Variants in SNX13 observed in about 807,000 individuals in gnomAD.
SNX13 encodes the protein sorting nexin-13.
In SNX13, 45 loss-of-function variants were observed where a neutral mutation model predicts 133.6. The observed-to-expected ratio is 0.34, with a 90% CI of 0.27 to 0.43. SNX13 has a LOEUF of 0.43. Ranked by LOEUF, SNX13 falls within the 20% of genes least tolerant of loss-of-function variation. The probability of loss-of-function intolerance (pLI) is 1.00; values close to 1 mark genes in which losing one functional copy is unlikely to be tolerated. For missense variants in SNX13, 1,032 were observed against 1,145.1 expected, an observed-to-expected ratio of 0.90 and a Z score of 1.43; for synonymous variants, 414 against 373.9, an observed-to-expected ratio of 1.11 and a Z score of -1.24.
At chr7:17,920,155 T>C (rs560897516) in intron 1 of SNX13, among the ~76,000 whole-genome samples, 6 of 152,296 alleles carry the variant, frequency 3.9e-5, no homozygotes, top group Non-Finnish European at 5.9e-5. Flanking sequence ...ATACGCAAAA[T>C]AGACTAATGT....
At chr7:17,894,145 A>C (rs1275569902) in intron 2 of SNX13, among the ~76,000 whole-genome samples, 1 of 151,774 alleles carries the variant, frequency 6.6e-6, no homozygotes, top group Non-Finnish European at 1.5e-5. Flanking sequence ...TCTACTAAAA[A>C]CACAAAAATT....
chr7:17,805,263 GCGC>G (rs1490232166), intron 20 of SNX13, among the ~76,000 whole-genome samples: 2 of 148,158 alleles, frequency 1.3e-5, no homozygotes, highest in African/African-American at 5.0e-5. Context: ...GTGCGCGCGC[GCGC>G]ATGCATGCAC....
chr7:17,812,658 G>A (rs563563679), intron 20 of SNX13, among the ~76,000 whole-genome samples: 2 of 152,186 alleles, frequency 1.3e-5, no homozygotes, highest in Middle Eastern at 3.4e-3. Context: ...TATACCCAAA[G>A]GATGATAAAT....
intron 1 of SNX13, among the ~76,000 whole-genome samples, chr7:17,906,294 C>A (rs922821670): frequency 6.6e-6 from 1 of 152,084 alleles, no homozygotes; most frequent in African/African-American, 2.4e-5. Flanking sequence ...ATAGACAAAA[C>A]TATTTCCACA....
intron 1 of SNX13, among the ~76,000 whole-genome samples, chr7:17,912,506 G>T (rs771036259): frequency 6.6e-6 from 1 of 152,040 alleles, no homozygotes; most frequent in African/African-American, 2.4e-5. Flanking sequence ...TGCCTCCCGG[G>T]TTCAAGTGAT....
chr7:17,819,984 T>C (rs1388541099), intron 18 of SNX13, among the ~76,000 whole-genome samples: 4 of 152,028 alleles, frequency 2.6e-5, no homozygotes, highest in Non-Finnish European at 5.9e-5. Context: ...GAAAAAGAAA[T>C]TGTGCTGTAT....
chr7:17,854,013 T>C (rs2128329651), intron 9 of SNX13, among the ~76,000 whole-genome samples: 1 of 150,932 alleles, frequency 6.6e-6, no homozygotes, highest in African/African-American at 2.4e-5. Flanking sequence ...CTAAAGAAAG[T>C]TCTTCAAAAT....
intron 9 of SNX13, among the ~76,000 whole-genome samples, chr7:17,855,430 GAC>G (rs1791766643): frequency 6.6e-6 from 1 of 152,150 alleles, no homozygotes; most frequent in African/African-American, 2.4e-5. Flanking sequence ...TTCACAATTA[GAC>G]AGTAAAAGCC....
At chr7:17,932,554 G>A (rs1162795323) in intron 1 of SNX13, among the ~76,000 whole-genome samples, 1 of 152,126 alleles carries the variant, frequency 6.6e-6, no homozygotes, top group African/African-American at 2.4e-5. Flanking sequence ...ATTTAGTGAG[G>A]CCTACTAAGT....
chr7:17,929,125 A>T (rs1024690285), intron 1 of SNX13, among the ~76,000 whole-genome samples: 5 of 152,146 alleles, frequency 3.3e-5, no homozygotes, highest in African/African-American at 1.2e-4. Context: ...CTGTAGACAC[A>T]GAGAAGAATA....
chr7:17,848,688 G>C (rs565445136), intron 11 of SNX13, among the ~76,000 whole-genome samples: 2 of 152,174 alleles, frequency 1.3e-5, no homozygotes, highest in Non-Finnish European at 2.9e-5. Flanking sequence ...CAGTGGGTCC[G>C]AGTGAGTGGA....
chr7:17,831,125 G>A, intron 15 of SNX13: 3 of 984,320 alleles, frequency 3.0e-6, no homozygotes, highest in Non-Finnish European at 3.6e-6. Flanking sequence ...GACAAGTCAA[G>A]TTAAAGGAGA....
At chr7:17,867,893 A>C (rs1358356786) in intron 9 of SNX13, among the ~76,000 whole-genome samples, 1 of 152,098 alleles carries the variant, frequency 6.6e-6, no homozygotes, top group East Asian at 1.9e-4. Flanking sequence ...GGGCTTGTGG[A>C]CTTAGTAATA....
intron 5 of SNX13, chr7:17,882,886 G>T: frequency 7.9e-7 from 1 of 1,271,170 alleles, no homozygotes. Flanking sequence ...AGGAAGCGGA[G>T]GTTGCAGTGA....
chr7:17,867,427 C>A (rs1793525835), intron 9 of SNX13, among the ~76,000 whole-genome samples: 1 of 151,882 alleles, frequency 6.6e-6, no homozygotes, highest in Non-Finnish European at 1.5e-5. Context: ...GGCTACATAG[C>A]AAAACCATGT....
Position 17,874,883 on chromosome 7 carries a change from T to C in SNX13, c.664+597A>G, listed in dbSNP as rs566332112. ...ACTGTATCATTCCCTTAGGAAATAT[T>C]TTATGGTAACAGGTATACTTCTGAA... is the stretch of plus-strand genomic sequence containing the variant. On this transcript the variant is annotated intron_variant, in intron 7 of 25. Transcript: ENST00000428135. Among the ~76,000 whole-genome samples the C allele has an allele frequency of 3.9e-5, 6 of 152,348 alleles. 1 individual carries two copies. The South Asian group carries it at 1.2e-3, about 32-fold the overall frequency.
At chr7:17,801,966 A>G (rs1371036914) in intron 21 of SNX13, among the ~76,000 whole-genome samples, 2 of 152,112 alleles carry the variant, frequency 1.3e-5, no homozygotes, top group Non-Finnish European at 2.9e-5. Flanking sequence ...CCAAAAAGTC[A>G]TGCATCGCAT....
At chr7:17,847,135 GTAGT>G (rs1432732782) in intron 11 of SNX13, among the ~76,000 whole-genome samples, 1 of 152,096 alleles carries the variant, frequency 6.6e-6, no homozygotes, top group South Asian at 2.1e-4. Context: ...AGATAAGGAA[GTAGT>G]TAAAGAAAAG....
At chr7:17,864,798 G>A (rs574067490) in intron 9 of SNX13, among the ~76,000 whole-genome samples, 7 of 148,296 alleles carry the variant, frequency 4.7e-5, no homozygotes, top group Non-Finnish European at 8.9e-5. Context: ...AAGGGGGAGG[G>A]GAAAGGGAAG....
Sources: gnomAD v4.1 joint callset for allele counts (sites outside exome capture counted in the v4.1 genomes callset) on GRCh38, gnomAD v4.1.1 for gene constraint, MANE v1.5 for transcripts, NCBI Gene and HGNC (gene_info 2026-07-23, HGNC 2026-07-21) for gene names.